Variants in CCNY observed in about 807,000 individuals in gnomAD.
The protein encoded by CCNY is cyclin-Y.
A neutral mutation model predicts 42.8 loss-of-function variants in CCNY; 19 were observed. The observed-to-expected ratio is 0.44, with a 90% CI of 0.31 to 0.65. The LOEUF is 0.65. Ranked by LOEUF, CCNY falls within the 30% of genes least tolerant of loss-of-function variation. The probability of loss-of-function intolerance (pLI) is 0.07; values close to 1 mark genes in which losing one functional copy is unlikely to be tolerated. For synonymous variants in CCNY, 165 were observed against 162.7 expected (o/e 1.01, Z -0.11); for missense variants, 370 against 437.3 (o/e 0.85, Z 1.37).
intron 3 of CCNY, among the ~76,000 whole-genome samples, chr10:35,322,331 G>C (rs902702262): frequency 6.7e-6 from 1 of 150,364 alleles, no homozygotes; most frequent in Non-Finnish European, 1.5e-5. Flanking sequence ...TCCAGCCTGG[G>C]TGACAGAGCA....
chr10:35,411,837 A>AT (rs1265710321), intron 1 of CCNY, among the ~76,000 whole-genome samples: 1 of 152,238 alleles, frequency 6.6e-6, no homozygotes, highest in African/African-American at 2.4e-5. Flanking sequence ...ATTTGATAGC[A>AT]TCTTGAAGAA....
chr10:35,361,881 A>AAC (rs1836693769), intron 1 of CCNY, among the ~76,000 whole-genome samples: 1 of 152,208 alleles, frequency 6.6e-6, no homozygotes, highest in Admixed American at 6.5e-5. Context: ...TTGCCCCCTC[A>AAC]ACACACACAC....
In CCNY at chr10:35,358,331, C is replaced by T. The variant is rs150003141; in HGVS notation, c.154+21124C>T. Among the ~76,000 whole-genome samples, 643 of 151,512 alleles carry T rather than the reference C, an allele frequency of 4.2e-3. 2 individuals are homozygous for T. The highest frequency in any genetic ancestry group is 7.0e-3 in the Non-Finnish European group (476 of 67,956). On this transcript the variant is annotated intron_variant, in intron 1 of 9. Coordinates refer to ENST00000374704, the MANE Select transcript of CCNY (RefSeq NM_145012.6). ...GAATAGCATTGTGTGAGGTGGTCCACATATTTATTGAATACTGCCAGTGCA... is the reference window on the plus strand; with the variant it reads ...GAATAGCATTGTGTGAGGTGGTCCATATATTTATTGAATACTGCCAGTGCA...
intron 3 of CCNY, among the ~76,000 whole-genome samples, chr10:35,282,767 G>A (rs1835312902): frequency 6.6e-6 from 1 of 151,372 alleles, no homozygotes; most frequent in Non-Finnish European, 1.5e-5. Flanking sequence ...AAAAGAAAAT[G>A]GGGCTGTGGT....
At chr10:35,426,027 A>G (rs1312512723) in intron 1 of CCNY, among the ~76,000 whole-genome samples, 1 of 151,474 alleles carries the variant, frequency 6.6e-6, no homozygotes, top group Non-Finnish European at 1.5e-5. Flanking sequence ...AGCAGCACCA[A>G]GGAGCCCACT....
intron 3 of CCNY, among the ~76,000 whole-genome samples, chr10:35,503,429 A>G (rs1007998076): frequency 3.9e-5 from 6 of 152,198 alleles, no homozygotes; most frequent in African/African-American, 1.4e-4. Context: ...CTCGCTGCAA[A>G]TGAGCGCCAT....
At chr10:35,301,485 T>A (rs774889690) in intron 3 of CCNY, among the ~76,000 whole-genome samples, 1 of 152,218 alleles carries the variant, frequency 6.6e-6, no homozygotes. Flanking sequence ...CAAACTGTGA[T>A]AATCAATTTG....
intron 8 of CCNY, among the ~76,000 whole-genome samples, chr10:35,564,750 C>T (rs1186671864): frequency 2.0e-5 from 3 of 152,160 alleles, no homozygotes; most frequent in African/African-American, 7.2e-5. Flanking sequence ...CCTGAAACAC[C>T]CCCTCCTCAG....
At chr10:35,299,618 A>G (rs527440481) in intron 3 of CCNY, among the ~76,000 whole-genome samples, 49 of 152,142 alleles carry the variant, frequency 3.2e-4, no homozygotes, top group African/African-American at 1.1e-3. Flanking sequence ...ACCTTTTTTC[A>G]TCCTTTTACT....
chr10:35,400,754 A>G (rs1169854070), intron 1 of CCNY, among the ~76,000 whole-genome samples: 1 of 152,144 alleles, frequency 6.6e-6, no homozygotes, highest in Non-Finnish European at 1.5e-5. Flanking sequence ...CGGGATTGTA[A>G]CTTGACTTCT....
Position 35,336,996 on chromosome 10 carries a change from C to T in CCNY, c.-58C>T. On this transcript the variant is annotated 5_prime_UTR_variant, in exon 1 of 10. Coordinates refer to ENST00000374704, the MANE Select transcript of CCNY (RefSeq NM_145012.6). ...CGCCCGCGCCCCGCGTCCACCCGCG[C>T]CCCGCTCCCGGGGACTGGGAGAACA... 1 of 1,312,932 alleles carries T rather than the reference C, an allele frequency of 7.6e-7. No homozygotes were observed. Among genetic ancestry groups the T allele is most frequent in the Non-Finnish European group, 9.9e-7 (1 of 1,012,406 alleles). 81.3% of individuals were successfully genotyped at this position (1,312,932 alleles called of 1,614,324 possible).
chr10:35,527,889 A>T (rs1432546179), intron 5 of CCNY, among the ~76,000 whole-genome samples: 1 of 152,202 alleles, frequency 6.6e-6, no homozygotes, highest in African/African-American at 2.4e-5. Context: ...GGTGCTGTTC[A>T]GTTGGGACAC....
intron 1 of CCNY, among the ~76,000 whole-genome samples, chr10:35,459,087 A>T (rs1181202371): frequency 6.6e-6 from 1 of 152,206 alleles, no homozygotes; most frequent in Admixed American, 6.5e-5. Context: ...CATATTTTGT[A>T]AAAAAGCTTA....
At chr10:35,543,704 T>TA (rs1841052582) in intron 7 of CCNY, among the ~76,000 whole-genome samples, 9 of 151,078 alleles carry the variant, frequency 6.0e-5, no homozygotes, top group East Asian at 3.9e-4. Flanking sequence ...TCTACTTATT[T>TA]TAAAAAAAAA....
chr10:35,284,367 C>T (rs906401681), intron 3 of CCNY, among the ~76,000 whole-genome samples: 2 of 152,124 alleles, frequency 1.3e-5, no homozygotes, highest in Admixed American at 1.3e-4. Context: ...TGTCCTCATG[C>T]CCCTTTGTGT....
intron 1 of CCNY, among the ~76,000 whole-genome samples, chr10:35,351,265 T>A (rs546923776): frequency 9.2e-5 from 14 of 152,358 alleles, no homozygotes; most frequent in Middle Eastern, 3.4e-3. Flanking sequence ...AAAATGAACC[T>A]CTTCTGTTTA....
intron 3 of CCNY, among the ~76,000 whole-genome samples, chr10:35,282,586 G>T (rs193044222): frequency 4.9e-4 from 75 of 151,784 alleles, no homozygotes; most frequent in African/African-American, 1.6e-3. Flanking sequence ...AATTAACTGG[G>T]CGTGGTGGCA....
intron 3 of CCNY, among the ~76,000 whole-genome samples, chr10:35,269,269 ACTTCCTTCCTTCCTTC>A (rs68028146): frequency 4.7e-5 from 7 of 149,430 alleles, no homozygotes; most frequent in East Asian, 2.0e-4. Context: ...CAAATAATCT[ACTTCCTTCCTTCCTTC>A]CTTCCTTCCT....
intron 1 of CCNY, among the ~76,000 whole-genome samples, chr10:35,341,041 C>T (rs1836169208): frequency 1.3e-5 from 2 of 152,230 alleles, no homozygotes; most frequent in Admixed American, 1.3e-4. Context: ...GACACAACAG[C>T]CATGGCTAAG....
Sources: allele counts gnomAD v4.1 joint callset (sites outside exome capture counted in the v4.1 genomes callset), GRCh38; gene constraint gnomAD v4.1.1; transcripts MANE v1.5; gene names NCBI Gene and HGNC (gene_info 2026-07-23, HGNC 2026-07-21).